The following TTN variants were observed in gnomAD, a reference collection of about 807,000 sequenced individuals.
The protein encoded by TTN is titin, also known as connectin.
TTN carries 1,525 observed loss-of-function variants against 3,223.0 expected under a neutral mutation model. That is an observed-to-expected ratio of 0.47 (90% confidence interval 0.45 to 0.49). The LOEUF (loss-of-function observed/expected upper bound fraction) is 0.49, where lower values mean the gene tolerates loss of function less well. Among genes scored for constraint, TTN ranks in the 20% least tolerant of loss-of-function variants. The pLI is 0.00. For synonymous variants in TTN, 14,094 were observed against 15,161.0 expected, an observed-to-expected ratio of 0.93 and a Z score of 5.17; for missense variants, 40,786 against 43,424.0, an observed-to-expected ratio of 0.94 and a Z score of 5.40.
Position 178,784,364 on chromosome 2 carries a change from A to G in TTN, c.2494-13T>C, listed in dbSNP as rs1044682736. ...CGGCTATTGATGCCTACATGGAAAC[A>G]GAGTCAGAAAATAAAGTCATTTAAC... On this transcript the variant is annotated splice_polypyrimidine_tract_variant and intron_variant, in intron 15 of 362. Transcript: ENST00000589042. 2 of 1,613,782 alleles carry G rather than the reference A, an allele frequency of 1.2e-6. No homozygotes were observed. Among genetic ancestry groups the G allele is most frequent in the Non-Finnish European group, 1.7e-6 (2 of 1,179,982 alleles).
chr2:178,650,360 T>C, intron 209 of TTN, 89 bp from the exon 210 acceptor site: 1 of 1,232,180 alleles, frequency 8.1e-7, no homozygotes, highest in East Asian at 2.6e-5. Flanking sequence ...GTAATCTTGA[T>C]TTCTTCCTTT....
At position 178,788,184 on chromosome 2, in the gene TTN, A is replaced by G. The variant is rs527463611; in HGVS notation, c.2076+1176T>C. On this transcript the variant is annotated intron_variant, in intron 13 of 362. Transcript: ENST00000589042. Reference sequence around the variant, plus strand: ...TTTCACCTCCATAGCATCAGTTTTCATCTCTTCTCGAAAAAGATGTATTTG... The same window carrying G: ...TTTCACCTCCATAGCATCAGTTTTCGTCTCTTCTCGAAAAAGATGTATTTG... Among the ~76,000 whole-genome samples the G allele has an allele frequency of 1.3e-3, 202 of 152,176 alleles. 7 individuals are homozygous for G. In the South Asian group the frequency reaches 0.027, roughly 20 times the overall value.
chr2:178,759,200 C>T, intron 43 of TTN, 28 bp from the exon 44 acceptor site: 1 of 1,612,698 alleles, frequency 6.2e-7, no homozygotes. Flanking sequence ...AGAGATACTT[C>T]AACCACAAAA....
At chr2:178,737,904 C>T in intron 49 of TTN, 178 bp downstream of exon 49, 1 of 630,196 alleles carries the variant, frequency 1.6e-6, no homozygotes, top group South Asian at 3.7e-5. Context: ...AGAAATGTGA[C>T]TGTAAATAAT....
Position 178,571,609 on chromosome 2 carries a change from G to A in TTN, c.74523C>T (p.Ile24841=), listed in dbSNP as rs1708221846. The A allele has an allele frequency of 6.2e-7, 1 of 1,613,208 alleles. No individual in the cohort carries two copies. The highest frequency in any genetic ancestry group is 1.7e-5 in the Admixed American group (1 of 59,970). ...CCCGTTTCTCAACAATGTAATTATT[G>A]ATAGAACTTCCACCATCATACTTGG... ...GPPKYDGGSS[I]NNYIVEKRDT... The change falls in exon 326 of 363, where the codon ATC becomes ATT. Residue 24841 remains isoleucine, a synonymous_variant. Coordinates refer to ENST00000589042, the MANE Select transcript of TTN (RefSeq NM_001267550.2).
At chr2:178,690,181 T>A (rs1208039881) in intron 121 of TTN, among the ~76,000 whole-genome samples, 1 of 152,202 alleles carries the variant, frequency 6.6e-6, no homozygotes, top group African/African-American at 2.4e-5. Context: ...AAAAACAAAT[T>A]AGTGATGACA....
chr2:178,568,173 G>C lies in TTN; in HGVS notation c.77959C>G (p.Pro25987Ala), dbSNP rs763692292. 2.5e-6 allele frequency: 4 copies of C among 1,613,334 alleles called. No individual in the cohort carries two copies. Among genetic ancestry groups the C allele is most frequent in the Non-Finnish European group, 3.4e-6 (4 of 1,179,552 alleles). Reference protein sequence around the residue: ...LESDPIVAQYPYKEPGPPGTP... With the variant: ...LESDPIVAQYAYKEPGPPGTP... ...CCTGGAGGGCCTGGTTCTTTGTAGG[G>C]ATATTGAGCTACAATTGGATCAGAC... The change falls in exon 326 of 363, where the codon CCC becomes GCC. Residue 25987 changes from proline to alanine, a missense_variant. Physicochemically the swap from Pro to Ala is conservative, Grantham distance 27. Coordinates refer to ENST00000589042, the MANE Select transcript of TTN (RefSeq NM_001267550.2).
intron 40 of TTN, 73 bp downstream of exon 40, chr2:178,767,686 A>G: frequency 1.3e-6 from 2 of 1,585,524 alleles, no homozygotes; most frequent in Non-Finnish European, 1.7e-6. Context: ...TGTAAAAGGG[A>G]AACATTAAAA....
rs200088963 is a variant in TTN, at chr2:178,714,335, G to A, written c.26439C>T (p.Asn8813=). 2,270 of 1,613,610 alleles carry A rather than the reference G, an allele frequency of 1.4e-3. 4 individuals are homozygous for A. The highest frequency in any genetic ancestry group is 1.6e-3 in the Non-Finnish European group (1,863 of 1,179,642). The change falls in exon 91 of 363, where the codon AAC becomes AAT. Residue 8813 remains asparagine (N), a synonymous_variant. Coordinates refer to ENST00000589042, the MANE Select transcript of TTN (RefSeq NM_001267550.2). ...CGAAGCACTCTTGCATCCCAGCATC[G>A]TTTTTGATCTGACAAGTGTATTTTC... ...NAGKYTCQIK[N]DAGMQECFAT...
At chr2:178,689,680 A>C in intron 122 of TTN, 85 bp from the exon 123 acceptor site, 1 of 1,450,952 alleles carries the variant, frequency 6.9e-7, no homozygotes, top group Non-Finnish European at 9.4e-7. Flanking sequence ...AGACGGGTGG[A>C]CAGACACTTT....
chr2:178,682,526 T>A (rs1426516405), intron 135 of TTN, among the ~76,000 whole-genome samples, 171 bp downstream of exon 135: 6 of 151,988 alleles, frequency 3.9e-5, no homozygotes, highest in Admixed American at 3.3e-4. Context: ...TTTTTAAAAT[T>A]TTTTCTAGAA....
intron 236 of TTN, 43 bp downstream of exon 236, chr2:178,632,104 G>A: frequency 2.0e-6 from 3 of 1,505,898 alleles, no homozygotes; most frequent in African/African-American, 1.4e-5. Flanking sequence ...ACAAATTTCT[G>A]TTGAATTTAA....
chr2:178,724,455 T>G lies in TTN; in HGVS notation c.20920A>C (p.Thr6974Pro). The stretch of plus-strand genomic sequence containing the variant: ...TACCATTCAACAGAGAGTTCCGGAG[T>G]GCCAGCCACCTTACACTCCAGAGTG... ...TCTLECKVAGTPELSVEWYKD... is the reference protein window; with the variant it reads ...TCTLECKVAGPPELSVEWYKD... Residue 6974 changes from threonine (T) to proline (P), a missense_variant, in exon 72 of 363, where the codon ACT (threonine) becomes CCT (proline). Transcript: ENST00000589042. 1.9e-6 allele frequency: 3 copies of G among 1,613,354 alleles called. No individual in the cohort carries two copies. Among genetic ancestry groups the G allele is most frequent in the Non-Finnish European group, 2.5e-6 (3 of 1,179,514 alleles).
chr2:178,734,182 A>C (rs2081037283), intron 52 of TTN, 146 bp downstream of exon 52: 11 of 994,118 alleles, frequency 1.1e-5, no homozygotes, highest in Non-Finnish European at 1.5e-5. Context: ...AAAGTTACTG[A>C]CTTTGTTCCC....
rs1553908536 is a variant in TTN at position 178,721,131 on chromosome 2, A to G, written c.22888T>C (p.Cys7630Arg). The G allele has an allele frequency of 1.2e-6, 2 of 1,612,912 alleles. No homozygotes were observed. Among genetic ancestry groups the G allele is most frequent in the Admixed American group, 1.7e-5 (1 of 59,990 alleles). The change falls in exon 79 of 363, where the codon TGT (cysteine) becomes CGT (arginine). Residue 7630 changes from cysteine (C) to arginine (R), a missense_variant. Transcript: ENST00000589042. ...ATTTCTGGGGAGCCACTTATTTTAC[A>G]TTCCAGTTGAATGGATTCTCCCTGC... ...AKQGESIQLECKISGSPEIKV... is the reference protein window; with the variant it reads ...AKQGESIQLERKISGSPEIKV...
Position 178,775,576 on chromosome 2 carries a change from G to A in TTN, c.6288C>T (p.His2096=), listed in dbSNP as rs756722556. Reference sequence around the variant, plus strand: ...GTTTCCCCACGACTCTGACCCGGAAGTGTGCATCAGATCCTTGGCCCACTG... The same window carrying A: ...GTTTCCCCACGACTCTGACCCGGAAATGTGCATCAGATCCTTGGCCCACTG... ...SQTVGQGSDA[H]FRVRVVGKPD... Residue 2096 remains histidine, a synonymous_variant, in exon 28 of 363, where the codon CAC becomes CAT. Coordinates refer to ENST00000589042, the MANE Select transcript of TTN (RefSeq NM_001267550.2). 1.1e-5 allele frequency: 17 copies of A among 1,613,974 alleles called. No individual in the cohort carries two copies. Among genetic ancestry groups the A allele is most frequent in the Non-Finnish European group, 1.4e-5 (17 of 1,180,014 alleles).
rs971567915 is a variant in TTN at position 178,526,474 on chromosome 2, G to C, written c.*538C>G. The C allele has an allele frequency of 6.6e-6, 1 of 152,630 alleles. No individual in the cohort carries two copies. Among genetic ancestry groups the C allele is most frequent in the Non-Finnish European group, 1.5e-5 (1 of 68,092 alleles). The allele number at this position is 152,630 out of a possible 1,614,324, so 9.5% of individuals were successfully genotyped here. On this transcript the variant is annotated 3_prime_UTR_variant, in exon 363 of 363. Coordinates refer to ENST00000589042, the MANE Select transcript of TTN (RefSeq NM_001267550.2). ...GACATCATCAGAGAAAATGTAAGACGTTAAAGTGTTGCTTACAGGAGGGTA... is the reference window on the plus strand; with the variant it reads ...GACATCATCAGAGAAAATGTAAGACCTTAAAGTGTTGCTTACAGGAGGGTA...
intron 47 of TTN, chr2:178,751,223 T>G: frequency 6.2e-7 from 1 of 1,609,976 alleles, no homozygotes; most frequent in African/African-American, 1.3e-5. Flanking sequence ...TGAGCTTATT[T>G]CAGAAGACGT....
At chr2:178,613,365 T>C (rs1052012900) in intron 263 of TTN, 89 bp from the exon 264 acceptor site, 8 of 1,061,336 alleles carry the variant, frequency 7.5e-6, no homozygotes, top group Non-Finnish European at 1.1e-5. Flanking sequence ...CTAATTTATT[T>C]AAATTGTGAA....
Sources: allele counts gnomAD v4.1 joint callset (sites outside exome capture counted in the v4.1 genomes callset), GRCh38; gene constraint gnomAD v4.1.1; transcripts MANE v1.5; gene names NCBI Gene and HGNC (gene_info 2026-07-23, HGNC 2026-07-21).